HS6ST3: variants seen among roughly 807,000 people sequenced by gnomAD.
HS6ST3 encodes heparan sulfate 6-O-sulfotransferase 3.
Under a neutral mutation model 36.7 loss-of-function variants are expected in HS6ST3, and 12 were observed. The observed-to-expected ratio is 0.33, with a 90% CI of 0.21 to 0.53. The LOEUF (loss-of-function observed/expected upper bound fraction) is 0.53, where lower values mean the gene tolerates loss of function less well. Among genes scored for constraint, HS6ST3 ranks in the 20% least tolerant of loss-of-function variants. The pLI is 0.95. For missense variants in HS6ST3, 584 were observed against 640.9 expected (o/e 0.91, Z 0.96); for synonymous variants, 240 against 257.5 (o/e 0.93, Z 0.65).
At chr13:96,160,911 T>G (rs74641822) in intron 1 of HS6ST3, among the ~76,000 whole-genome samples, 1,591 of 152,308 alleles carry the variant, frequency 0.01, 31 homozygotes, top group African/African-American at 0.036. Flanking sequence ...TACTTGAGGC[T>G]GGTACAGGCT....
Position 96,091,127 on chromosome 13 carries a change from G to A in HS6ST3, c.265G>A (p.Glu89Lys). The change falls in exon 1 of 2, where the codon GAG (glutamate) becomes AAG (lysine). Residue 89 changes from glutamate (E) to lysine (K), a missense_variant. This residue lies in a region of HS6ST3 where 217 missense variants were observed against 205.4 expected (regional missense o/e 1.06). Transcript: ENST00000376705. ...GGGACCTCGGGGGGCCGCGGCGCCGGAGGAGGAGGACGAGGAGCCCGGAGA... is the reference window on the plus strand; with the variant it reads ...GGGACCTCGGGGGGCCGCGGCGCCGAAGGAGGAGGACGAGGAGCCCGGAGA... ...PEGPRGAAAPEEEDEEPGDPR... is the reference protein window; with the variant it reads ...PEGPRGAAAPKEEDEEPGDPR... 1.4e-6 allele frequency: 2 copies of A among 1,454,060 alleles called. No homozygotes were observed. The highest frequency in any genetic ancestry group is 1.8e-6 in the Non-Finnish European group (2 of 1,106,224). The allele number at this position is 1,454,060 out of a possible 1,614,324, so 90.1% of individuals were successfully genotyped here. A position where few individuals can be genotyped will look rare whatever the true frequency, so the allele number is the denominator to read the frequency against.
chr13:96,680,228 A>C (rs1384497888), intron 1 of HS6ST3, among the ~76,000 whole-genome samples: 2 of 152,050 alleles, frequency 1.3e-5, no homozygotes, highest in African/African-American at 2.4e-5. Flanking sequence ...GCACTTCCTG[A>C]TGGCATCTAG....
At chr13:96,480,092 G>A (rs1224837617) in intron 1 of HS6ST3, among the ~76,000 whole-genome samples, 1 of 152,070 alleles carries the variant, frequency 6.6e-6, no homozygotes, top group Non-Finnish European at 1.5e-5. Context: ...ACAAGGACTA[G>A]GAAGCTCTCC....
intron 1 of HS6ST3, among the ~76,000 whole-genome samples, chr13:96,132,699 C>A (rs928150676): frequency 6.6e-6 from 1 of 152,118 alleles, no homozygotes; most frequent in Non-Finnish European, 1.5e-5. Flanking sequence ...AGCCACTGCA[C>A]CCCCCAGCTA....
intron 1 of HS6ST3, among the ~76,000 whole-genome samples, chr13:96,775,826 G>C (rs1402956923): frequency 6.6e-6 from 1 of 152,092 alleles, no homozygotes; most frequent in Non-Finnish European, 1.5e-5. Context: ...ACTCAGCTCT[G>C]GACCAAGTGG....
intron 1 of HS6ST3, among the ~76,000 whole-genome samples, chr13:96,301,268 TA>T (rs2054880414): frequency 6.6e-6 from 1 of 152,236 alleles, no homozygotes; most frequent in South Asian, 2.1e-4. Context: ...GCCAATCTTA[TA>T]TACCTTGGTC....
chr13:96,346,341 A>G (rs1048001396), intron 1 of HS6ST3, among the ~76,000 whole-genome samples: 14 of 152,192 alleles, frequency 9.2e-5, no homozygotes, highest in South Asian at 6.2e-4. Context: ...TTGGGAGGCC[A>G]AGGTGGGCGG....
At chr13:96,218,022 A>C (rs993307146) in intron 1 of HS6ST3, among the ~76,000 whole-genome samples, 2 of 152,186 alleles carry the variant, frequency 1.3e-5, no homozygotes, top group Non-Finnish European at 2.9e-5. Flanking sequence ...TCATGAGTCC[A>C]GGTCCCAATA....
At chr13:96,619,867 G>T (rs546116745) in intron 1 of HS6ST3, among the ~76,000 whole-genome samples, 1 of 152,264 alleles carries the variant, frequency 6.6e-6, no homozygotes, top group African/African-American at 2.4e-5. Context: ...CAGTTGGCAG[G>T]CCCCAGCAAC....
chr13:96,479,450 A>C (rs1416154719), intron 1 of HS6ST3, among the ~76,000 whole-genome samples: 1 of 152,192 alleles, frequency 6.6e-6, no homozygotes, highest in Admixed American at 6.5e-5. Flanking sequence ...GAATGATTTT[A>C]GGTAAAGAAG....
chr13:96,490,269 T>C (rs1450771402), intron 1 of HS6ST3, among the ~76,000 whole-genome samples: 1 of 152,150 alleles, frequency 6.6e-6, no homozygotes, highest in African/African-American at 2.4e-5. Context: ...ATGTTTATGG[T>C]GTTTAGCAGA....
intron 1 of HS6ST3, among the ~76,000 whole-genome samples, chr13:96,274,701 G>A (rs1294991436): frequency 1.3e-5 from 2 of 152,114 alleles, no homozygotes; most frequent in Non-Finnish European, 2.9e-5. Context: ...CATTGAACCA[G>A]AAATGCTGCT....
At chr13:96,533,617 C>T (rs964772862) in intron 1 of HS6ST3, among the ~76,000 whole-genome samples, 1 of 152,150 alleles carries the variant, frequency 6.6e-6, no homozygotes, top group Non-Finnish European at 1.5e-5. Flanking sequence ...GCTGGGCTGC[C>T]ATGGCTGTCC....
intron 1 of HS6ST3, among the ~76,000 whole-genome samples, chr13:96,707,757 TC>T (rs1412770253): frequency 2.0e-5 from 3 of 152,234 alleles, no homozygotes; most frequent in Non-Finnish European, 4.4e-5. Context: ...ATCCTAGTTC[TC>T]ATGTACATGT....
chr13:96,197,885 C>T (rs1214775711), intron 1 of HS6ST3, among the ~76,000 whole-genome samples: 1 of 152,172 alleles, frequency 6.6e-6, no homozygotes. Flanking sequence ...CTTCTCACAG[C>T]TCCACTGGGC....
intron 1 of HS6ST3, among the ~76,000 whole-genome samples, chr13:96,293,457 C>T (rs1322527384): frequency 6.6e-6 from 1 of 151,986 alleles, no homozygotes; most frequent in East Asian, 1.9e-4. Flanking sequence ...ACTCTTATAA[C>T]AAATTCTCAT....
At chr13:96,488,593 G>GT (rs907462429) in intron 1 of HS6ST3, among the ~76,000 whole-genome samples, 32 of 152,012 alleles carry the variant, frequency 2.1e-4, no homozygotes, top group African/African-American at 7.5e-4. Flanking sequence ...TTGTTGTCTA[G>GT]TTTTTTCGCC....
At chr13:96,195,301 A>T (rs1469927795) in intron 1 of HS6ST3, among the ~76,000 whole-genome samples, 1 of 152,234 alleles carries the variant, frequency 6.6e-6, no homozygotes, top group Non-Finnish European at 1.5e-5. Context: ...TGAATAACAG[A>T]GAAAATCTTT....
chr13:96,421,707 A>G (rs1490436983), intron 1 of HS6ST3, among the ~76,000 whole-genome samples: 1 of 152,026 alleles, frequency 6.6e-6, no homozygotes, highest in Non-Finnish European at 1.5e-5. Flanking sequence ...CTCACCAAGA[A>G]GAATTGAATG....
Sources: allele counts gnomAD v4.1 joint callset (sites outside exome capture counted in the v4.1 genomes callset), GRCh38; gene constraint gnomAD v4.1.1; regional missense constraint gnomAD v4.1.1; transcripts MANE v1.5; gene names NCBI Gene and HGNC (gene_info 2026-07-23, HGNC 2026-07-21).